Variants in RORA observed in about 807,000 individuals in gnomAD.
The protein encoded by RORA is RAR related orphan receptor A.
Under a neutral mutation model 69.5 loss-of-function variants are expected in RORA, and 7 were observed. The ratio of observed to expected loss-of-function variants is 0.10; its 90% CI spans 0.06 to 0.19. The LOEUF (loss-of-function observed/expected upper bound fraction) is 0.19. Among genes scored for constraint, RORA ranks in the 10% least tolerant of loss-of-function variants. The probability of loss-of-function intolerance (pLI) is 1.00; values close to 1 mark genes in which losing one functional copy is unlikely to be tolerated. For missense variants in RORA, 457 were observed against 663.0 expected, an observed-to-expected ratio of 0.69 and a Z score of 3.41; for synonymous variants, 261 against 240.8, an observed-to-expected ratio of 1.08 and a Z score of -0.78.
chr15:61,027,580 C>A (rs1313298031), intron 1 of RORA, among the ~76,000 whole-genome samples: 1 of 152,148 alleles, frequency 6.6e-6, no homozygotes, highest in Non-Finnish European at 1.5e-5. Flanking sequence ...ATGGTGGGAT[C>A]CAGATCTATC....
chr15:61,195,593 AC>A (rs2079839523), intron 1 of RORA, among the ~76,000 whole-genome samples: 1 of 151,952 alleles, frequency 6.6e-6, no homozygotes, highest in Non-Finnish European at 1.5e-5. Context: ...CCTACTATTG[AC>A]CCCATTGATA....
chr15:60,553,438 GA>G (rs2067276045), intron 2 of RORA, among the ~76,000 whole-genome samples: 1 of 152,124 alleles, frequency 6.6e-6, no homozygotes, highest in African/African-American at 2.4e-5. Flanking sequence ...GTATCACAGA[GA>G]CTAACAGCTA....
Position 60,733,638 on chromosome 15 carries a change from T to A in RORA, c.167-54952A>T, listed in dbSNP as rs530394888. On this transcript the variant is annotated intron_variant, in intron 1 of 10. Coordinates refer to ENST00000335670, the MANE Select transcript of RORA (RefSeq NM_134261.3). ...CTGTATGATCTCCCATAAAAGGGGATGGCAGAGATATGCAAAGTCACTTTA... is the reference window on the plus strand; with the variant it reads ...CTGTATGATCTCCCATAAAAGGGGAAGGCAGAGATATGCAAAGTCACTTTA... Among the ~76,000 whole-genome samples the A allele has an allele frequency of 2.6e-5, 4 of 152,296 alleles. No homozygotes were observed. The South Asian group carries it at 6.2e-4, about 24-fold the overall frequency.
chr15:61,018,721 G>C (rs921129882), intron 1 of RORA, among the ~76,000 whole-genome samples: 1 of 152,014 alleles, frequency 6.6e-6, no homozygotes, highest in Non-Finnish European at 1.5e-5. Context: ...ACTGACCTCA[G>C]AGCAATCATA....
chr15:60,928,376 G>A (rs746158460), intron 1 of RORA, among the ~76,000 whole-genome samples: 29 of 152,178 alleles, frequency 1.9e-4, no homozygotes, highest in Non-Finnish European at 3.5e-4. Context: ...AACAGGAAGT[G>A]CTAATCAGCT....
At chr15:61,152,773 C>T (rs1297558545) in intron 1 of RORA, among the ~76,000 whole-genome samples, 1 of 152,090 alleles carries the variant, frequency 6.6e-6, no homozygotes, top group Non-Finnish European at 1.5e-5. Context: ...TACATCATGC[C>T]AGGCTTTAGG....
intron 1 of RORA, among the ~76,000 whole-genome samples, chr15:61,115,682 G>C (rs929971369): frequency 6.6e-6 from 1 of 152,108 alleles, no homozygotes; most frequent in African/African-American, 2.4e-5. Flanking sequence ...GACTCAAGCT[G>C]TCTCCAAAAA....
intron 1 of RORA, among the ~76,000 whole-genome samples, chr15:61,026,337 A>G (rs1895811751): frequency 6.6e-6 from 1 of 152,226 alleles, no homozygotes; most frequent in South Asian, 2.1e-4. Flanking sequence ...CATATGCTGC[A>G]TTGTATATCT....
intron 2 of RORA, chr15:60,546,582 C>A (rs187129194): frequency 2.6e-5 from 4 of 152,196 alleles, no homozygotes; most frequent in African/African-American, 9.6e-5. Flanking sequence ...TAATAAAGCC[C>A]ATTTTTATAT....
At chr15:60,592,565 C>T in intron 2 of RORA, 1 of 1,239,548 alleles carries the variant, frequency 8.1e-7, no homozygotes, top group Non-Finnish European at 1.0e-6. Context: ...ATAAGAGGCT[C>T]CATGTGACCG....
At chr15:60,816,609 G>A (rs2072819239) in intron 1 of RORA, among the ~76,000 whole-genome samples, 1 of 147,394 alleles carries the variant, frequency 6.8e-6, no homozygotes, top group Non-Finnish European at 1.5e-5. Flanking sequence ...TTTATATACT[G>A]TAAACAGTAT....
At chr15:61,027,004 T>C (rs1895851173) in intron 1 of RORA, among the ~76,000 whole-genome samples, 1 of 145,458 alleles carries the variant, frequency 6.9e-6, no homozygotes, top group South Asian at 2.2e-4. Flanking sequence ...CCTCCTGGCC[T>C]GCAAAAAAAA....
intron 1 of RORA, among the ~76,000 whole-genome samples, chr15:60,947,348 G>A (rs549163893): frequency 1.3e-5 from 2 of 152,172 alleles, no homozygotes; most frequent in African/African-American, 4.8e-5. Context: ...TCTGTACTGG[G>A]AAAAATTCTT....
At chr15:60,985,281 G>T (rs540112891) in intron 1 of RORA, among the ~76,000 whole-genome samples, 1 of 152,084 alleles carries the variant, frequency 6.6e-6, no homozygotes, top group Non-Finnish European at 1.5e-5. Flanking sequence ...AAGGGATTTA[G>T]AATTTAAATA....
At chr15:60,707,564 C>T (rs1056973278) in intron 1 of RORA, among the ~76,000 whole-genome samples, 2 of 151,932 alleles carry the variant, frequency 1.3e-5, no homozygotes, top group East Asian at 1.9e-4. Flanking sequence ...GGGGTTTCAC[C>T]GTGTTAGCCA....
chr15:61,002,665 A>G (rs543025375), intron 1 of RORA, among the ~76,000 whole-genome samples: 1 of 152,334 alleles, frequency 6.6e-6, no homozygotes, highest in African/African-American at 2.4e-5. Context: ...AAGAGGGCCA[A>G]TCTCTGCAAG....
intron 2 of RORA, among the ~76,000 whole-genome samples, chr15:60,560,590 T>C (rs1234127737): frequency 6.6e-6 from 1 of 152,158 alleles, no homozygotes; most frequent in African/African-American, 2.4e-5. Context: ...TCTCGGCTAC[T>C]GGTCGGGGAG....
chr15:60,791,866 A>G (rs1303247158), intron 1 of RORA, among the ~76,000 whole-genome samples: 3 of 152,214 alleles, frequency 2.0e-5, no homozygotes, highest in African/African-American at 4.8e-5. Flanking sequence ...GGGTCTCTGC[A>G]ACAATCATTT....
chr15:60,545,907 G>A (rs1398230375), intron 2 of RORA, among the ~76,000 whole-genome samples: 1 of 152,210 alleles, frequency 6.6e-6, no homozygotes, highest in East Asian at 1.9e-4. Context: ...AAATAAGTCT[G>A]TGTGATTTTT....
Sources: allele counts gnomAD v4.1 joint callset (sites outside exome capture counted in the v4.1 genomes callset), GRCh38; gene constraint gnomAD v4.1.1; transcripts MANE v1.5; gene names NCBI Gene and HGNC (gene_info 2026-07-23, HGNC 2026-07-21).